Variants in FAF1 observed in about 807,000 individuals in gnomAD.
The protein encoded by FAF1 is Fas associated factor 1, also known as FAS-associated factor 1.
Under a neutral mutation model 92.5 loss-of-function variants are expected in FAF1, and 25 were observed. The observed-to-expected ratio is 0.27, with a 90% CI of 0.20 to 0.38. FAF1 has a LOEUF of 0.38. Ranked by LOEUF, FAF1 falls within the 10% of genes least tolerant of loss-of-function variation. The pLI, the probability that FAF1 is intolerant of heterozygous loss-of-function variation, is 1.00. For missense variants in FAF1, 636 were observed against 793.3 expected (o/e 0.80, Z 2.38); for synonymous variants, 234 against 273.2 (o/e 0.86, Z 1.42).
chr1:50,905,719 T>C (rs1238278645), intron 1 of FAF1, among the ~76,000 whole-genome samples: 3 of 152,234 alleles, frequency 2.0e-5, no homozygotes, highest in African/African-American at 7.2e-5. Context: ...ACCCACTTTT[T>C]GATGGGGTTG....
chr1:50,830,507 G>C (rs1281471713), intron 2 of FAF1, among the ~76,000 whole-genome samples: 1 of 152,180 alleles, frequency 6.6e-6, no homozygotes, highest in Non-Finnish European at 1.5e-5. Context: ...TTGACCATTA[G>C]ATCAATACAG....
intron 4 of FAF1, among the ~76,000 whole-genome samples, chr1:50,772,809 T>C (rs1265392994): frequency 6.6e-6 from 1 of 152,086 alleles, no homozygotes; most frequent in African/African-American, 2.4e-5. Context: ...TGACACACAA[T>C]TTACCTATAT....
At chr1:50,662,244 T>C (rs1341680278) in intron 7 of FAF1, among the ~76,000 whole-genome samples, 2 of 152,228 alleles carry the variant, frequency 1.3e-5, no homozygotes, top group Admixed American at 1.3e-4. Flanking sequence ...AAGAAATCTA[T>C]AAAATTGAAG....
intron 3 of FAF1, among the ~76,000 whole-genome samples, chr1:50,793,509 GTATAA>G (rs1462047791): frequency 6.6e-6 from 1 of 152,110 alleles, no homozygotes; most frequent in African/African-American, 2.4e-5. Context: ...GGCCCTGGAG[GTATAA>G]TAGAAAAAAA....
At chr1:50,955,417 G>T (rs1645257745) in intron 1 of FAF1, among the ~76,000 whole-genome samples, 1 of 152,184 alleles carries the variant, frequency 6.6e-6, no homozygotes, top group Non-Finnish European at 1.5e-5. Context: ...TCCTTTATCA[G>T]TAACATACTA....
intron 6 of FAF1, among the ~76,000 whole-genome samples, chr1:50,717,735 C>T (rs999087801): frequency 6.6e-6 from 1 of 152,138 alleles, no homozygotes; most frequent in African/African-American, 2.4e-5. Flanking sequence ...GGAATGGTGG[C>T]TCATGCCTGT....
intron 1 of FAF1, among the ~76,000 whole-genome samples, chr1:50,951,391 C>T (rs1212975617): frequency 6.6e-6 from 1 of 152,206 alleles, no homozygotes; most frequent in African/African-American, 2.4e-5. Flanking sequence ...TACCTTAAAA[C>T]TGTCAAAAAT....
intron 4 of FAF1, among the ~76,000 whole-genome samples, chr1:50,776,698 T>A (rs1413645568): frequency 2.0e-5 from 3 of 151,718 alleles, no homozygotes; most frequent in African/African-American, 7.3e-5. Context: ...AAATCTGAGG[T>A]AATTTTAAGA....
Position 50,715,825 on chromosome 1 carries a change from G to A in FAF1, c.552-9934C>T, listed in dbSNP as rs532395227. Among the ~76,000 whole-genome samples the A allele has an allele frequency of 6.6e-5, 10 of 152,104 alleles. No homozygotes were observed. In the East Asian group the frequency reaches 1.7e-3, roughly 26 times the overall value. On this transcript the variant is annotated intron_variant, in intron 6 of 18. Coordinates refer to ENST00000396153, the MANE Select transcript of FAF1 (RefSeq NM_007051.3). ...TACCCCTCCACATTTTTTAAAAAGG[G>A]GAAAATTAGGTATAGCAAATTTTAA...
intron 5 of FAF1, among the ~76,000 whole-genome samples, chr1:50,744,109 C>T (rs143469783): frequency 8.5e-5 from 13 of 152,164 alleles, no homozygotes; most frequent in African/African-American, 2.9e-4. Context: ...TCTGAGGTTG[C>T]TACTGGGTTC....
Position 50,469,733 on chromosome 1 carries a change from C to T in FAF1, c.1869+5731G>A, listed in dbSNP as rs145872450. Among the ~76,000 whole-genome samples the T allele has an allele frequency of 3.9e-5, 6 of 152,110 alleles. No individual in the cohort carries two copies. The East Asian group carries it at 9.7e-4, about 25-fold the overall frequency. ...GCCATAGGTTTAATTTGGGCTATGA[C>T]GACTTGGGCAGTGGTATAGAGGGAA... On this transcript the variant is annotated intron_variant, in intron 18 of 18. Transcript: ENST00000396153.
At chr1:50,871,113 C>A (rs537424720) in intron 1 of FAF1, among the ~76,000 whole-genome samples, 18 of 152,266 alleles carry the variant, frequency 1.2e-4, no homozygotes, top group Non-Finnish European at 2.4e-4. Flanking sequence ...TAAGCCAAAA[C>A]CTAATGCAGA....
chr1:50,688,343 T>C (rs1656765881), intron 7 of FAF1, among the ~76,000 whole-genome samples: 1 of 152,078 alleles, frequency 6.6e-6, no homozygotes, highest in South Asian at 2.1e-4. Flanking sequence ...TTCTTGGGTG[T>C]ATACGTAATA....
intron 1 of FAF1, among the ~76,000 whole-genome samples, chr1:50,931,594 G>A (rs112043939): frequency 1.1e-3 from 163 of 152,188 alleles, no homozygotes; most frequent in African/African-American, 3.5e-3. Context: ...GTGGGTGGGC[G>A]CAGTGACTCA....
chr1:50,684,825 C>T (rs565195181), intron 7 of FAF1, among the ~76,000 whole-genome samples: 8 of 152,254 alleles, frequency 5.3e-5, no homozygotes, highest in African/African-American at 1.9e-4. Context: ...TCAACAAATA[C>T]TATTTGTTCT....
At chr1:50,691,393 C>A (rs139392983) in intron 7 of FAF1, among the ~76,000 whole-genome samples, 43 of 152,054 alleles carry the variant, frequency 2.8e-4, no homozygotes, top group African/African-American at 8.9e-4. Flanking sequence ...CAGGCATGCA[C>A]CACAATGTCC....
intron 15 of FAF1, among the ~76,000 whole-genome samples, chr1:50,503,131 A>G (rs1000317755): frequency 1.3e-5 from 2 of 152,164 alleles, no homozygotes; most frequent in African/African-American, 4.8e-5. Context: ...GAGCCACTGC[A>G]CCTTGCTCTT....
intron 4 of FAF1, among the ~76,000 whole-genome samples, chr1:50,752,802 C>A (rs1215519075): frequency 2.6e-5 from 4 of 152,128 alleles, no homozygotes; most frequent in Non-Finnish European, 4.4e-5. Flanking sequence ...CCCGCCTCAG[C>A]CTCCAGTGTA....
intron 1 of FAF1, among the ~76,000 whole-genome samples, chr1:50,953,359 C>T (rs1645236046): frequency 6.6e-6 from 1 of 151,756 alleles, no homozygotes; most frequent in South Asian, 2.1e-4. Flanking sequence ...GCCAAATCCC[C>T]CTCTCCGAGA....
Sources: allele counts gnomAD v4.1 joint callset (sites outside exome capture counted in the v4.1 genomes callset), GRCh38; gene constraint gnomAD v4.1.1; transcripts MANE v1.5; gene names NCBI Gene and HGNC (gene_info 2026-07-23, HGNC 2026-07-21).